The following HSF2BP variants were observed in gnomAD, a reference collection of about 807,000 sequenced individuals.
The protein encoded by HSF2BP is heat shock factor 2-binding protein.
Under a neutral mutation model 35.0 loss-of-function variants are expected in HSF2BP, and 35 were observed. The ratio of observed to expected loss-of-function variants is 1.00; its 90% confidence interval spans 0.76 to 1.32. HSF2BP has a LOEUF of 1.32. Among genes scored for constraint, HSF2BP ranks in the 40% most tolerant of loss-of-function variants. The probability of loss-of-function intolerance (pLI) is 0.00; values close to 1 mark genes in which losing one functional copy is unlikely to be tolerated. For synonymous variants in HSF2BP, 114 were observed against 117.4 expected (o/e 0.97, Z 0.18); for missense variants, 326 against 321.7 (o/e 1.01, Z -0.10).
chr21:43,651,072 C>A (rs1471952885), intron 3 of HSF2BP, among the ~76,000 whole-genome samples: 2 of 152,162 alleles, frequency 1.3e-5, no homozygotes, highest in Non-Finnish European at 2.9e-5. Context: ...TTCCCAAACT[C>A]ATGAAGTGAC....
intron 4 of HSF2BP, among the ~76,000 whole-genome samples, chr21:43,644,086 C>A (rs533992942): frequency 7.2e-5 from 11 of 152,146 alleles, no homozygotes; most frequent in African/African-American, 2.6e-4. Flanking sequence ...TTAAAAGATA[C>A]CAAGTGAATG....
intron 8 of HSF2BP, among the ~76,000 whole-genome samples, chr21:43,584,670 C>T (rs1381919295): frequency 2.6e-5 from 4 of 152,194 alleles, no homozygotes; most frequent in Middle Eastern, 3.2e-3. Context: ...GCATGAAAAC[C>T]AGCCTACTAA....
chr21:43,577,425 C>T (rs574313624), intron 8 of HSF2BP, among the ~76,000 whole-genome samples: 4 of 152,286 alleles, frequency 2.6e-5, no homozygotes, highest in Admixed American at 6.5e-5. Context: ...GTGGCTTAAA[C>T]GTAATCACAT....
chr21:43,629,779 G>T (rs1251712257), intron 6 of HSF2BP, among the ~76,000 whole-genome samples: 1 of 152,174 alleles, frequency 6.6e-6, no homozygotes, highest in African/African-American at 2.4e-5. Context: ...AGACATTGTT[G>T]AAATAAGAAC....
At chr21:43,647,630 AT>A (rs1288348811) in intron 3 of HSF2BP, among the ~76,000 whole-genome samples, 1 of 152,212 alleles carries the variant, frequency 6.6e-6, no homozygotes, top group African/African-American at 2.4e-5. Context: ...AGAAAGGAAA[AT>A]AAGGGTTTCT....
intron 8 of HSF2BP, among the ~76,000 whole-genome samples, chr21:43,573,483 T>C (rs1601603084): frequency 6.6e-6 from 1 of 152,208 alleles, no homozygotes; most frequent in Admixed American, 6.5e-5. Flanking sequence ...CAGTAACATA[T>C]GAAGAGTCCT....
chr21:43,588,244 G>A (rs1601627129), intron 8 of HSF2BP, among the ~76,000 whole-genome samples: 1 of 152,148 alleles, frequency 6.6e-6, no homozygotes, highest in South Asian at 2.1e-4. Context: ...CAGGTGTAGT[G>A]GCAGGCACCT....
At chr21:43,583,572 C>T (rs1349375413) in intron 8 of HSF2BP, among the ~76,000 whole-genome samples, 1 of 121,768 alleles carries the variant, frequency 8.2e-6, no homozygotes, top group Non-Finnish European at 1.7e-5. Flanking sequence ...GAGATGAAGA[C>T]CTGCTGAGGG....
chr21:43,605,507 C>T (rs1252906651), intron 7 of HSF2BP, among the ~76,000 whole-genome samples: 1 of 146,524 alleles, frequency 6.8e-6, no homozygotes, highest in Non-Finnish European at 1.5e-5. Flanking sequence ...CCACACATAT[C>T]CCCCCACGCA....
At chr21:43,649,242 GTTTT>G (rs201486961) in intron 3 of HSF2BP, among the ~76,000 whole-genome samples, 1 of 151,202 alleles carries the variant, frequency 6.6e-6, no homozygotes, top group Non-Finnish European at 1.5e-5. Context: ...TCAGTTTGGG[GTTTT>G]TTTTATTTTT....
intron 8 of HSF2BP, among the ~76,000 whole-genome samples, chr21:43,579,338 A>G (rs2081690417): frequency 6.6e-6 from 1 of 152,164 alleles, no homozygotes; most frequent in African/African-American, 2.4e-5. Flanking sequence ...AATTATTCCA[A>G]TATTTGTGGC....
intron 7 of HSF2BP, among the ~76,000 whole-genome samples, chr21:43,610,786 A>G (rs1044901806): frequency 2.0e-5 from 3 of 152,254 alleles, no homozygotes; most frequent in African/African-American, 2.4e-5. Flanking sequence ...GAAAATGTCC[A>G]TGTACTACTT....
In HSF2BP at chr21:43,579,924, G is replaced by C. The variant is rs935684278; in HGVS notation, c.796+12301C>G. On this transcript the variant is annotated intron_variant, in intron 8 of 8. Coordinates refer to ENST00000291560, the MANE Select transcript of HSF2BP (RefSeq NM_007031.2). ...ACAGTGTTTATATCTCTATTTTGTG[G>C]ATGACAGAATATCATGGAAGTGAAG... is the stretch of plus-strand genomic sequence containing the variant. Among the ~76,000 whole-genome samples, 65 of 152,192 alleles carry C rather than the reference G, an allele frequency of 4.3e-4. 1 individual carries two copies. Among genetic ancestry groups the C allele is most frequent in the African/African-American group, 3.1e-4 (13 of 41,436 alleles).
intron 8 of HSF2BP, among the ~76,000 whole-genome samples, chr21:43,587,697 GGAT>G (rs1416951935): frequency 6.6e-6 from 1 of 150,490 alleles, no homozygotes; most frequent in Non-Finnish European, 1.5e-5. Flanking sequence ...GGAAAGCCTG[GGAT>G]GATGTCCCAG....
chr21:43,591,307 G>T (rs538731829), intron 8 of HSF2BP, among the ~76,000 whole-genome samples: 4 of 152,304 alleles, frequency 2.6e-5, no homozygotes, highest in African/African-American at 9.6e-5. Context: ...CATAGCTGCA[G>T]TGTCTTTCCA....
chr21:43,615,864 A>C (rs2146932040), intron 6 of HSF2BP, among the ~76,000 whole-genome samples: 1 of 152,228 alleles, frequency 6.6e-6, no homozygotes, highest in East Asian at 1.9e-4. Flanking sequence ...ATAACTTCAG[A>C]TAATATACTG....
chr21:43,598,807 C>T (rs918243429), intron 7 of HSF2BP, among the ~76,000 whole-genome samples: 1 of 152,122 alleles, frequency 6.6e-6, no homozygotes, highest in African/African-American at 2.4e-5. Context: ...AGTGAGGTGT[C>T]GAATCCAGTA....
intron 8 of HSF2BP, among the ~76,000 whole-genome samples, chr21:43,577,821 T>C (rs1265428007): frequency 2.0e-5 from 3 of 152,264 alleles, no homozygotes; most frequent in African/African-American, 7.2e-5. Flanking sequence ...CCCTAACTGA[T>C]CAACTGACCT....
intron 8 of HSF2BP, among the ~76,000 whole-genome samples, chr21:43,586,834 C>T (rs1362932963): frequency 6.6e-6 from 1 of 151,506 alleles, no homozygotes; most frequent in Non-Finnish European, 1.5e-5. Context: ...AAGTTTCACT[C>T]TTGTTGCCCA....
Sources: allele counts gnomAD v4.1 joint callset (sites outside exome capture counted in the v4.1 genomes callset), GRCh38; gene constraint gnomAD v4.1.1; transcripts MANE v1.5; gene names NCBI Gene and HGNC (gene_info 2026-07-23, HGNC 2026-07-21).